The following CASP4 variants were observed in gnomAD, a reference collection of about 807,000 sequenced individuals.
The protein encoded by CASP4 is caspase 4, also known as caspase-4.
In CASP4, 29 loss-of-function variants were observed where a neutral mutation model predicts 41.3. The ratio of observed to expected loss-of-function variants is 0.70; its 90% CI spans 0.52 to 0.96. The LOEUF (loss-of-function observed/expected upper bound fraction) is 0.96, where lower values mean the gene tolerates loss of function less well. Ranked by LOEUF, CASP4 falls within the 40% of genes least tolerant of loss-of-function variation. The pLI is 0.00. For synonymous variants in CASP4, 185 were observed against 158.4 expected (o/e 1.17, Z -1.26); for missense variants, 447 against 460.6 (o/e 0.97, Z 0.27).
chr11:104,948,862 T>G (rs55694103), intron 5 of CASP4, 186 bp from the exon 6 acceptor site: 1 of 404,954 alleles, frequency 2.5e-6, no homozygotes, highest in East Asian at 3.6e-5. Flanking sequence ...TCCAGTGTCA[T>G]TCAACAATGT....
At chr11:104,948,728 GT>G in intron 5 of CASP4, 52 bp from the exon 6 acceptor site, 3 of 1,497,366 alleles carry the variant, frequency 2.0e-6, no homozygotes, top group Non-Finnish European at 2.7e-6. Flanking sequence ...CAGAATGGCT[GT>G]CACAGTTGCC....
At chr11:104,949,270 C>A in intron 5 of CASP4, 2 of 455,306 alleles carry the variant, frequency 4.4e-6, no homozygotes, top group Non-Finnish European at 4.0e-6. Context: ...GATTCCATTC[C>A]AAAGTTTGAG....
At chr11:104,957,291 C>T (rs1860757879) in intron 1 of CASP4, among the ~76,000 whole-genome samples, 1 of 152,026 alleles carries the variant, frequency 6.6e-6, no homozygotes, top group Non-Finnish European at 1.5e-5. Flanking sequence ...AAATAAATTT[C>T]CATTTAAAAT....
Position 104,949,648 on chromosome 11 carries a change from G to T in CASP4, c.676C>A (p.Pro226Thr), listed in dbSNP as rs138280041. Residue 226 changes from proline (P) to threonine (T), a missense_variant, in exon 5 of 9, where the codon CCA becomes ACA. Coordinates refer to ENST00000444739, the MANE Select transcript of CASP4 (RefSeq NM_001225.4). ...ICGTVHDEKK[P>T]DVLLYDTIFQ... The stretch of plus-strand genomic sequence containing the variant: ...ATGGTGTCATAAAGCAGCACATCTG[G>T]TTTTTTCTCATCATGCACAGTTCCG... 63 of 1,613,966 alleles carry T rather than the reference G, an allele frequency of 3.9e-5. No individual in the cohort carries two copies. Among genetic ancestry groups the T allele is most frequent in the Non-Finnish European group, 4.9e-5 (58 of 1,179,906 alleles).
chr11:104,955,510 A>G (rs1467932006), intron 1 of CASP4, among the ~76,000 whole-genome samples: 1 of 152,028 alleles, frequency 6.6e-6, no homozygotes, highest in East Asian at 1.9e-4. Context: ...TACATCCTAT[A>G]CCCACATCTT....
rs753650724 is a variant in CASP4 at position 104,948,617 on chromosome 11, G to T, written c.841C>A (p.Gln281Lys). Residue 281 changes from glutamine to lysine, a missense_variant, in exon 6 of 9, where the codon CAG (glutamine) becomes AAG (lysine). Coordinates refer to ENST00000444739, the MANE Select transcript of CASP4 (RefSeq NM_001225.4). ...SPASLEVASSQSSENLEEDAV... is the reference protein window; with the variant it reads ...SPASLEVASSKSSENLEEDAV... ...TCTTCCTCTAGGTTCTCAGATGACT[G>T]TGAAGAGGCCACTTCCAAGGATGCT... The T allele has an allele frequency of 1.1e-5, 17 of 1,611,208 alleles. No individual in the cohort carries two copies. The South Asian group carries it at 1.8e-4, about 17-fold the overall frequency.
At chr11:104,960,407 A>G (rs992132088) in intron 1 of CASP4, among the ~76,000 whole-genome samples, 6 of 152,054 alleles carry the variant, frequency 3.9e-5, no homozygotes, top group African/African-American at 7.2e-5. Context: ...CATCAGAGAT[A>G]TATGCTCCTA....
chr11:104,957,725 A>G (rs984470062), intron 1 of CASP4, among the ~76,000 whole-genome samples: 3 of 152,200 alleles, frequency 2.0e-5, no homozygotes, highest in Non-Finnish European at 4.4e-5. Context: ...ATCTAAAGAT[A>G]CAATGCAATT....
chr11:104,952,064 C>A, intron 2 of CASP4, 59 bp from the exon 3 acceptor site: 1 of 1,017,360 alleles, frequency 9.8e-7, no homozygotes. Context: ...AATTTATCAC[C>A]TAAGAAGATC....
Position 104,950,797 on chromosome 11 carries a change from TACACACAC to T in CASP4, c.546+120_546+127del, listed in dbSNP as rs34213327. On this transcript the variant is annotated intron_variant, in intron 4 of 8. Coordinates refer to ENST00000444739, the MANE Select transcript of CASP4 (RefSeq NM_001225.4). ...ACCAGTCTAGTACTCTTATTTTGTA[TACACACAC>T]ACACACACACACACACACCCAAAGG... 1,090 of 465,104 alleles carry T rather than the reference TACACACAC, an allele frequency of 2.3e-3. 8 individuals carry two copies. Among genetic ancestry groups the T allele is most frequent in the African/African-American group, 0.02 (982 of 50,322 alleles). The allele number at this position is 465,104 out of a possible 1,614,324, so 28.8% of individuals were successfully genotyped here. A position where few individuals can be genotyped will look rare whatever the true frequency, so the allele number is the denominator to read the frequency against.
In CASP4 at chr11:104,952,005, G is replaced by C. The variant is rs758747021; in HGVS notation, c.263C>G (p.Ala88Gly). Reference protein sequence around the residue: ...NIDQISPNKKAHPNMEAGPPE... With the variant: ...NIDQISPNKKGHPNMEAGPPE... ...TGGTCCAGCCTCCATATTCGGATGA[G>C]CTGCAGGATATTGCAGAACATAAAT... The change falls in exon 3 of 9, where the codon GCT becomes GGT. Residue 88 changes from alanine to glycine, a missense_variant and splice_region_variant. Ala to Gly is a moderately conservative substitution (Grantham distance 60). Transcript: ENST00000444739. 2 of 1,585,792 alleles carry C rather than the reference G, an allele frequency of 1.3e-6. No homozygotes were observed. The highest frequency in any genetic ancestry group is 1.7e-6 in the Non-Finnish European group (2 of 1,155,344).
rs1157568610 is a variant in CASP4, at chr11:104,968,553, G to C, written c.-28C>G. The C allele has an allele frequency of 1.7e-5, 27 of 1,612,016 alleles. No individual in the cohort carries two copies. Among genetic ancestry groups the C allele is most frequent in the Non-Finnish European group, 2.3e-5 (27 of 1,178,368 alleles). ...GGAACAGCCTCTGTCCTTTTTTACA[G>C]CGTTGGAAAGAGCCTCAGAGTCAAA... On this transcript the variant is annotated 5_prime_UTR_variant, in exon 1 of 9. Coordinates refer to ENST00000444739, the MANE Select transcript of CASP4 (RefSeq NM_001225.4).
At chr11:104,954,317 G>A (rs752461708) in intron 2 of CASP4, among the ~76,000 whole-genome samples, 2 of 152,218 alleles carry the variant, frequency 1.3e-5, no homozygotes, top group Non-Finnish European at 1.5e-5. Flanking sequence ...AGTTGTTGGC[G>A]TGTGGTGCCT....
intron 1 of CASP4, 58 bp from the exon 2 acceptor site, chr11:104,955,059 C>G: frequency 6.6e-7 from 1 of 1,518,860 alleles, no homozygotes; most frequent in Admixed American, 1.9e-5. Context: ...GTTTCACCCT[C>G]ACTTTAGATA....
Position 104,950,944 on chromosome 11 carries a change from T to G in CASP4, c.527A>C (p.Glu176Ala). The change falls in exon 4 of 9, where the codon GAA becomes GCA. Residue 176 changes from glutamate to alanine, a missense_variant. Transcript: ENST00000444739. ...TCTTACCCTGGCTGTCAGATTCTCTTCTACATCTACACTATAGTCCAGACC... is the reference window on the plus strand; with the variant it reads ...TCTTACCCTGGCTGTCAGATTCTCTGCTACATCTACACTATAGTCCAGACC... ...LEGLDYSVDV[E>A]ENLTARDMES... is the part of the protein sequence containing the mutation. 1 of 1,612,200 alleles carries G rather than the reference T, an allele frequency of 6.2e-7. No homozygotes were observed.
intron 1 of CASP4, among the ~76,000 whole-genome samples, chr11:104,966,325 A>G (rs1341580894): frequency 6.6e-6 from 1 of 152,216 alleles, no homozygotes; most frequent in Non-Finnish European, 1.5e-5. Flanking sequence ...CCATTCAGGT[A>G]TATTTAATGA....
intron 3 of CASP4, 62 bp downstream of exon 3, chr11:104,951,834 G>T (rs772567193): frequency 2.9e-6 from 3 of 1,047,834 alleles, no homozygotes; most frequent in South Asian, 2.5e-5. Context: ...AAGAAATGGT[G>T]CACTGAAGGA....
At position 104,968,554 on chromosome 11, in the gene CASP4, C is replaced by T. The variant is rs765582795; in HGVS notation, c.-29G>A. ...GAACAGCCTCTGTCCTTTTTTACAG[C>T]GTTGGAAAGAGCCTCAGAGTCAAAA... On this transcript the variant is annotated 5_prime_UTR_variant, in exon 1 of 9. Transcript: ENST00000444739. 4 of 1,612,180 alleles carry T rather than the reference C, an allele frequency of 2.5e-6. No homozygotes were observed. In the South Asian group the frequency reaches 4.4e-5, roughly 18 times the overall value.
chr11:104,944,281 A>C (rs1406360936), intron 8 of CASP4: 2 of 160,968 alleles, frequency 1.2e-5, no homozygotes, highest in African/African-American at 4.8e-5. Flanking sequence ...TGCTTTCTCC[A>C]GAGTTAGCTC....
Sources: allele counts gnomAD v4.1 joint callset (sites outside exome capture counted in the v4.1 genomes callset), GRCh38; gene constraint gnomAD v4.1.1; transcripts MANE v1.5; gene names NCBI Gene and HGNC (gene_info 2026-07-23, HGNC 2026-07-21).